The following PSAP variants were observed in gnomAD, a reference collection of about 807,000 sequenced individuals.
PSAP encodes prosaposin, also known as precursor of saposins.
PSAP carries 25 observed loss-of-function variants against 66.0 expected under a neutral mutation model. That is an observed-to-expected ratio of 0.38 (90% CI 0.28 to 0.53). The LOEUF (loss-of-function observed/expected upper bound fraction) is 0.53. Among genes scored for constraint, PSAP ranks in the 20% least tolerant of loss-of-function variants. The pLI is 0.83. For synonymous variants in PSAP, 273 were observed against 258.9 expected (o/e 1.05, Z -0.52); for missense variants, 649 against 668.8 (o/e 0.97, Z 0.33).
chr10:71,818,977 C>A, intron 12 of PSAP, 54 bp downstream of exon 12: 5 of 1,522,206 alleles, frequency 3.3e-6, no homozygotes, highest in Non-Finnish European at 3.6e-6. Context: ...CGGGTCTCTG[C>A]AGCCCCCCAG....
At chr10:71,833,964 GGAGT>G (rs1842572250) in intron 2 of PSAP, among the ~76,000 whole-genome samples, 1 of 152,200 alleles carries the variant, frequency 6.6e-6, no homozygotes, top group African/African-American at 2.4e-5. Context: ...TTTACTTTTT[GGAGT>G]GAGTGACCAA....
At chr10:71,848,001 G>A (rs965285199) in intron 1 of PSAP, among the ~76,000 whole-genome samples, 21 of 152,128 alleles carry the variant, frequency 1.4e-4, no homozygotes, top group Admixed American at 6.6e-5. Flanking sequence ...TAAGCTTCAG[G>A]GAGCACCTGC....
intron 6 of PSAP, among the ~76,000 whole-genome samples, chr10:71,827,448 C>T (rs1054830366): frequency 6.7e-6 from 1 of 149,916 alleles, no homozygotes; most frequent in African/African-American, 2.5e-5. Context: ...GGGTAAAGGC[C>T]GGGCGCAGAG....
chr10:71,837,977 C>A (rs1483416249), intron 1 of PSAP, among the ~76,000 whole-genome samples: 1 of 152,164 alleles, frequency 6.6e-6, no homozygotes, highest in Non-Finnish European at 1.5e-5. Flanking sequence ...GCCCCACACA[C>A]CCTAAGGTGA....
At chr10:71,824,764 T>C (rs2133039099) in intron 7 of PSAP, among the ~76,000 whole-genome samples, 1 of 152,362 alleles carries the variant, frequency 6.6e-6, no homozygotes, top group African/African-American at 2.4e-5. Context: ...GTGGGAAGTA[T>C]TGTCCATATT....
chr10:71,818,886 G>A (rs1026861406), intron 12 of PSAP, 145 bp downstream of exon 12: 17 of 1,014,470 alleles, frequency 1.7e-5, no homozygotes, highest in Non-Finnish European at 2.4e-5. Context: ...GGGCTTGGGG[G>A]GCTGGCTCCC....
At chr10:71,835,211 C>A (rs1371475159) in intron 1 of PSAP, among the ~76,000 whole-genome samples, 1 of 140,260 alleles carries the variant, frequency 7.1e-6, no homozygotes, top group African/African-American at 2.8e-5. Flanking sequence ...AGCGAGACTC[C>A]GTTTCAAAAA....
rs931538540 is a variant in PSAP at position 71,851,222 on chromosome 10, A to T, written c.-1T>A. On this transcript the variant is annotated 5_prime_UTR_variant, in exon 1 of 14. Transcript: ENST00000394936. ...TGGCCAGGAGGAAGAGGGCGTACAT[A>T]GCGCCGTCTGACTCCGCAGTCTGCA... The T allele has an allele frequency of 6.4e-7, 1 of 1,551,068 alleles. No individual in the cohort carries two copies. Among genetic ancestry groups the T allele is most frequent in the Non-Finnish European group, 8.7e-7 (1 of 1,146,840 alleles).
In PSAP at chr10:71,831,384, C is replaced by T. The variant is rs533755026; in HGVS notation, c.250-133G>A. On this transcript the variant is annotated intron_variant, in intron 3 of 13. Transcript: ENST00000394936. ...AACAGCCAGCCCTCAGGGAAAAGGACTTGGCCATGTTACCTATGGCTCTAT... is the reference window on the plus strand; with the variant it reads ...AACAGCCAGCCCTCAGGGAAAAGGATTTGGCCATGTTACCTATGGCTCTAT... The T allele has an allele frequency of 6.4e-5, 74 of 1,165,064 alleles. No individual in the cohort carries two copies. In the African/African-American group the frequency reaches 9.6e-4, roughly 15 times the overall value. 72.2% of individuals were successfully genotyped at this position (1,165,064 alleles called of 1,614,324 possible). A position where few individuals can be genotyped will look rare whatever the true frequency, so the allele number is the denominator to read the frequency against.
chr10:71,850,837 T>C (rs185165139), intron 1 of PSAP, among the ~76,000 whole-genome samples: 271 of 152,292 alleles, frequency 1.8e-3, no homozygotes, highest in Admixed American at 3.7e-3. Flanking sequence ...ACAACACAGC[T>C]GCCCAAGGGG....
At chr10:71,817,591 T>G in intron 13 of PSAP, 115 bp from the exon 14 acceptor site, 1 of 990,750 alleles carries the variant, frequency 1.0e-6, no homozygotes, top group Admixed American at 1.7e-5. Context: ...CTAGGTCAGC[T>G]GGATGGCACC....
At chr10:71,827,326 G>A (rs1842414037) in intron 6 of PSAP, among the ~76,000 whole-genome samples, 1 of 151,802 alleles carries the variant, frequency 6.6e-6, no homozygotes, top group Non-Finnish European at 1.5e-5. Context: ...GTGAACCCGG[G>A]AGGCGGAGCT....
At position 71,819,729 on chromosome 10, in the gene PSAP, GC is replaced by G; in HGVS notation, c.1176del (p.Leu393CysfsTer4). ...CAGCGCTCACCGGTCAGTGCAGGCA[GC>G]CGCGTGCCAGAGCAGAGGTGCAGCA... ...CSMLHLCSGT[R>X]LPALTVHVTQ... On this transcript the variant is annotated frameshift_variant, in exon 10 of 14. Transcript: ENST00000394936. LOFTEE classifies it high-confidence loss of function. The G allele has an allele frequency of 6.2e-7, 1 of 1,614,112 alleles. No homozygotes were observed. The highest frequency in any genetic ancestry group is 8.5e-7 in the Non-Finnish European group (1 of 1,180,036).
At chr10:71,818,164 GC>G (rs1194127857) in intron 13 of PSAP, among the ~76,000 whole-genome samples, 1 of 152,244 alleles carries the variant, frequency 6.6e-6, no homozygotes, top group Non-Finnish European at 1.5e-5. Flanking sequence ...GGGCCACAGT[GC>G]CCTAGGGCTG....
intron 7 of PSAP, 97 bp from the exon 8 acceptor site, chr10:71,822,104 G>A (rs563622308): frequency 2.5e-6 from 4 of 1,574,704 alleles, no homozygotes; most frequent in Non-Finnish European, 3.5e-6. Flanking sequence ...ACAGCACCCT[G>A]GGCCCAGGTC....
chr10:71,828,803 C>T lies in PSAP; in HGVS notation c.576+74G>A, dbSNP rs1842449049. The T allele has an allele frequency of 1.8e-5, 28 of 1,538,022 alleles. No homozygotes were observed. The Admixed American group carries it at 4.5e-4, about 25-fold the overall frequency. ...GCCCCAGTTTAAGAACCACACGTGC[C>T]CTCTCTGTCCCTTTGGTCTCTCATC... is the stretch of plus-strand genomic sequence containing the variant. On this transcript the variant is annotated intron_variant, in intron 5 of 13. Transcript: ENST00000394936.
intron 1 of PSAP, among the ~76,000 whole-genome samples, chr10:71,846,636 G>T (rs1264345749): frequency 6.7e-6 from 1 of 149,648 alleles, no homozygotes; most frequent in Non-Finnish European, 1.5e-5. Context: ...GGAGGCTGAG[G>T]TATGAGAATC....
intron 1 of PSAP, among the ~76,000 whole-genome samples, chr10:71,839,845 C>T (rs1174992444): frequency 6.6e-6 from 1 of 152,144 alleles, no homozygotes; most frequent in East Asian, 1.9e-4. Context: ...CAGAGCGAGA[C>T]TCCATCAAAA....
chr10:71,828,636 C>T (rs1184702309), intron 5 of PSAP, among the ~76,000 whole-genome samples: 1 of 152,048 alleles, frequency 6.6e-6, no homozygotes, highest in African/African-American at 2.4e-5. Context: ...CAGAACGAGA[C>T]CCTGTCTCAA....
Sources: allele counts gnomAD v4.1 joint callset (sites outside exome capture counted in the v4.1 genomes callset), GRCh38; gene constraint gnomAD v4.1.1; transcripts MANE v1.5; gene names NCBI Gene and HGNC (gene_info 2026-07-23, HGNC 2026-07-21).